The following NSL1 variants were observed in gnomAD, a reference collection of about 807,000 sequenced individuals.
NSL1 encodes NSL1 component of MIS12 kinetochore complex.
NSL1 carries 11 observed loss-of-function variants against 25.4 expected under a neutral mutation model. That is an observed-to-expected ratio of 0.43 (90% CI 0.27 to 0.72). NSL1 has a LOEUF of 0.72. NSL1 is among the 30% of genes least tolerant of loss of function. The probability of loss-of-function intolerance (pLI) is 0.19; values close to 1 mark genes in which losing one functional copy is unlikely to be tolerated. For missense variants in NSL1, 330 were observed against 342.7 expected, an observed-to-expected ratio of 0.96 and a Z score of 0.29; for synonymous variants, 118 against 120.6, an observed-to-expected ratio of 0.98 and a Z score of 0.14.
At chr1:212,765,812 A>AAAAC (rs537500995) in intron 4 of NSL1, among the ~76,000 whole-genome samples, 94 of 151,982 alleles carry the variant, frequency 6.2e-4, no homozygotes, top group Non-Finnish European at 1.2e-3. Context: ...CTTTAAAAAA[A>AAAAC]AAAACAAAAA....
chr1:212,770,958 T>C (rs969634682), intron 4 of NSL1, among the ~76,000 whole-genome samples: 3 of 152,170 alleles, frequency 2.0e-5, no homozygotes, highest in African/African-American at 7.2e-5. Flanking sequence ...AATATCATAC[T>C]ATCATCTCAA....
intron 2 of NSL1, among the ~76,000 whole-genome samples, chr1:212,785,345 A>AT (rs201944213): frequency 1.7e-4 from 25 of 150,592 alleles, no homozygotes; most frequent in South Asian, 4.2e-4. Context: ...AGGAGTACAG[A>AT]TTTTTTTTTT....
intron 4 of NSL1, among the ~76,000 whole-genome samples, chr1:212,776,703 TAAAACAAAAC>T (rs144006991): frequency 1.4e-5 from 2 of 146,748 alleles, no homozygotes; most frequent in African/African-American, 2.5e-5. Context: ...AGGAAAACGG[TAAAACAAAAC>T]AAAACAAAAC....
At chr1:212,775,743 A>G (rs1660331476) in intron 4 of NSL1, among the ~76,000 whole-genome samples, 1 of 152,234 alleles carries the variant, frequency 6.6e-6, no homozygotes, top group Admixed American at 6.5e-5. Context: ...AAAATTCAAG[A>G]AACAACTTAC....
intron 4 of NSL1, among the ~76,000 whole-genome samples, chr1:212,773,871 C>T (rs1047194390): frequency 9.2e-5 from 14 of 151,690 alleles, no homozygotes; most frequent in African/African-American, 2.9e-4. Flanking sequence ...AAAGAAAATC[C>T]GGTCATTTGC....
In NSL1 at chr1:212,730,977, T is replaced by G; in HGVS notation, c.*7431A>C. The stretch of plus-strand genomic sequence containing the variant: ...TCAACGAATATTAGTTTACAGCCCA[T>G]GGGCAAAGTATGAGCAATGTAGAGA... On this transcript the variant is annotated 3_prime_UTR_variant, in exon 6 of 6. Coordinates refer to ENST00000366977, the MANE Select transcript of NSL1 (RefSeq NM_015471.4). 1 of 985,404 alleles carries G rather than the reference T, an allele frequency of 1.0e-6. No individual in the cohort carries two copies. The highest frequency in any genetic ancestry group is 1.2e-6 in the Non-Finnish European group (1 of 829,902). 61.0% of individuals were successfully genotyped at this position (985,404 alleles called of 1,614,324 possible).
rs545850239 is a variant in NSL1 at position 212,732,590 on chromosome 1, G to A, written c.*5818C>T. On this transcript the variant is annotated 3_prime_UTR_variant, in exon 6 of 6. Coordinates refer to ENST00000366977, the MANE Select transcript of NSL1 (RefSeq NM_015471.4). ...ATTACAGGTGTGAGCCACCGCACCC[G>A]GCCTACATAGTCTTATTCCAACCTG... 36 of 984,428 alleles carry A rather than the reference G, an allele frequency of 3.7e-5. No individual in the cohort carries two copies. Among genetic ancestry groups the A allele is most frequent in the Middle Eastern group, 5.2e-4 (1 of 1,912 alleles). 61.0% of individuals were successfully genotyped at this position (984,428 alleles called of 1,614,324 possible).
intron 4 of NSL1, among the ~76,000 whole-genome samples, chr1:212,762,754 T>A (rs1201710045): frequency 6.6e-6 from 1 of 151,870 alleles, no homozygotes; most frequent in Non-Finnish European, 1.5e-5. Context: ...TTAGTCTATG[T>A]GAAATACAAA....
At chr1:212,758,732 T>G (rs1659422455) in intron 4 of NSL1, among the ~76,000 whole-genome samples, 1 of 152,180 alleles carries the variant, frequency 6.6e-6, no homozygotes, top group Non-Finnish European at 1.5e-5. Flanking sequence ...TTCAACACAA[T>G]TCCTACCAAA....
chr1:212,779,228 A>AGGTGGGG (rs1660548705), intron 4 of NSL1, among the ~76,000 whole-genome samples: 1 of 147,680 alleles, frequency 6.8e-6, no homozygotes, highest in Non-Finnish European at 1.5e-5. Flanking sequence ...TCTGGGAGGG[A>AGGTGGGG]GGTGGGGGGT....
At position 212,728,051 on chromosome 1, in the gene NSL1, G is replaced by A. The variant is rs60368224; in HGVS notation, c.*10357C>T. 5.1e-3 allele frequency: 5,007 copies of A among 985,356 alleles called. 200 individuals are homozygous for A. The African/African-American group carries it at 0.08, about 16-fold the overall frequency. 61.0% of individuals were successfully genotyped at this position (985,356 alleles called of 1,614,324 possible). ...CTCTGCTCTACATGGTCTATAGACC[G>A]CTGGGAAGGTGGCCAGGCACTTCCC... On this transcript the variant is annotated 3_prime_UTR_variant, in exon 6 of 6. Transcript: ENST00000366977.
Position 212,791,504 on chromosome 1 carries a change from A to G in NSL1, c.234+26T>C, listed in dbSNP as rs143845987. The G allele has an allele frequency of 2.9e-4, 465 of 1,591,564 alleles. 1 individual carries two copies. In the African/African-American group the frequency reaches 5.4e-3, roughly 19 times the overall value. ...GGTGTTGGGTAAGAGGATGATGAGTAAAGAACTGGCTAACTGGTCCCGTAC... is the reference window on the plus strand; with the variant it reads ...GGTGTTGGGTAAGAGGATGATGAGTGAAGAACTGGCTAACTGGTCCCGTAC... On this transcript the variant is annotated intron_variant, in intron 1 of 5. Transcript: ENST00000366977.
At chr1:212,779,415 G>T (rs1262236325) in intron 4 of NSL1, among the ~76,000 whole-genome samples, 3 of 122,054 alleles carry the variant, frequency 2.5e-5, no homozygotes, top group Non-Finnish European at 5.2e-5. Context: ...CAGCCGCCCC[G>T]TCCGGGAGGT....
At chr1:212,762,632 C>T (rs1207911304) in intron 4 of NSL1, among the ~76,000 whole-genome samples, 1 of 152,132 alleles carries the variant, frequency 6.6e-6, no homozygotes, top group Non-Finnish European at 1.5e-5. Context: ...AACTAAGTTC[C>T]CAGAGTGTAA....
At position 212,727,916 on chromosome 1, in the gene NSL1, C is replaced by CA; in HGVS notation, c.*10491dup. ...GTCATTGAAAAAAAATGAGAAGAACCAACGAGGTCGCTGTGGTGTAGCGGT... is the reference window on the plus strand; with the variant it reads ...GTCATTGAAAAAAAATGAGAAGAACCAAACGAGGTCGCTGTGGTGTAGCGGT... On this transcript the variant is annotated 3_prime_UTR_variant, in exon 6 of 6. Coordinates refer to ENST00000366977, the MANE Select transcript of NSL1 (RefSeq NM_015471.4). The CA allele has an allele frequency of 1.0e-6, 1 of 985,346 alleles. No individual in the cohort carries two copies. Among genetic ancestry groups the CA allele is most frequent in the Non-Finnish European group, 1.2e-6 (1 of 829,902 alleles). The allele number at this position is 985,346 out of a possible 1,614,324, so 61.0% of individuals were successfully genotyped here.
rs377061925 is a variant in NSL1, at chr1:212,769,820, A to G, written c.499+12552T>C. On this transcript the variant is annotated intron_variant, in intron 4 of 5. Transcript: ENST00000366977. ...ATATAAAACAACCAGAACTCAACTAATAAAATGACAGGAATAAGCCCTTAC... is the reference window on the plus strand; with the variant it reads ...ATATAAAACAACCAGAACTCAACTAGTAAAATGACAGGAATAAGCCCTTAC... Among the ~76,000 whole-genome samples, 98 of 152,322 alleles carry G rather than the reference A, an allele frequency of 6.4e-4. 1 individual carries two copies. In the South Asian group the frequency reaches 0.019, roughly 29 times the overall value.
rs1244059603 is a variant in NSL1, at chr1:212,727,054, C to T, written c.*11354G>A. 2.0e-5 allele frequency: 30 copies of T among 1,506,466 alleles called. 1 individual carries two copies. Among genetic ancestry groups the T allele is most frequent in the Middle Eastern group, 2.4e-4 (1 of 4,228 alleles). 93.3% of individuals were successfully genotyped at this position (1,506,466 alleles called of 1,614,324 possible). A position where few individuals can be genotyped will look rare whatever the true frequency, so the allele number is the denominator to read the frequency against. On this transcript the variant is annotated 3_prime_UTR_variant, in exon 6 of 6. Coordinates refer to ENST00000366977, the MANE Select transcript of NSL1 (RefSeq NM_015471.4). ...GAGATGACTGCCGAGAGAGGGAGGG[C>T]GGGCTCTGGGTCACCCAGCTTCATC...
At chr1:212,784,852 C>G (rs936626620) in intron 2 of NSL1, among the ~76,000 whole-genome samples, 1 of 152,090 alleles carries the variant, frequency 6.6e-6, no homozygotes, top group South Asian at 2.1e-4. Context: ...CAATGGAAAA[C>G]TGACTGACTG....
chr1:212,782,885 A>T (rs879003859), intron 3 of NSL1, among the ~76,000 whole-genome samples: 1 of 152,222 alleles, frequency 6.6e-6, no homozygotes, highest in African/African-American at 2.4e-5. Context: ...ACACACTGAA[A>T]TTATAGTAGC....
Sources: allele counts gnomAD v4.1 joint callset (sites outside exome capture counted in the v4.1 genomes callset), GRCh38; gene constraint gnomAD v4.1.1; transcripts MANE v1.5; gene names NCBI Gene and HGNC (gene_info 2026-07-23, HGNC 2026-07-21).